HCFC2: variants seen among roughly 807,000 people sequenced by gnomAD.
HCFC2 encodes the protein host cell factor 2.
Under a neutral mutation model 89.2 loss-of-function variants are expected in HCFC2, and 18 were observed. The ratio of observed to expected loss-of-function variants is 0.20; its 90% CI spans 0.14 to 0.30. The LOEUF is 0.30. HCFC2 is among the 10% of genes least tolerant of loss of function. The pLI is 1.00. For missense variants in HCFC2, 578 were observed against 956.1 expected, an observed-to-expected ratio of 0.60 and a Z score of 5.21; for synonymous variants, 308 against 335.7, an observed-to-expected ratio of 0.92 and a Z score of 0.90.
chr12:104,103,120 A>G lies in HCFC2; in HGVS notation c.2226A>G (p.Ile742Met), dbSNP rs1459312303. ...RIYCGLKTSC[I>M]VTAGQLANAH... Reference sequence around the variant, plus strand: ...ATTGTGGTCTTAAGACATCATGTATAGTAACTGCTGGGCAACTTGCAAATG... The same window carrying G: ...ATTGTGGTCTTAAGACATCATGTATGGTAACTGCTGGGCAACTTGCAAATG... The change falls in exon 15 of 15, where the codon ATA becomes ATG. Residue 742 changes from isoleucine (I) to methionine (M), a missense_variant. By Grantham distance (10) the Ile-to-Met change is conservative (BLOSUM62 1). Coordinates refer to ENST00000229330, the MANE Select transcript of HCFC2 (RefSeq NM_013320.3). 1 of 1,614,182 alleles carries G rather than the reference A, an allele frequency of 6.2e-7. No homozygotes were observed. The highest frequency in any genetic ancestry group is 1.7e-5 in the Admixed American group (1 of 60,028).
intron 2 of HCFC2, 78 bp downstream of exon 2, chr12:104,066,393 T>C (rs1317620031): frequency 4.8e-6 from 5 of 1,039,380 alleles, no homozygotes; most frequent in Non-Finnish European, 7.0e-6. Context: ...ATTGCAACAT[T>C]ACTAACATTG....
intron 3 of HCFC2, among the ~76,000 whole-genome samples, chr12:104,074,330 T>C (rs1883428593): frequency 6.6e-6 from 1 of 152,146 alleles, no homozygotes; most frequent in South Asian, 2.1e-4. Flanking sequence ...TTTTTTTTCT[T>C]TTTCTTTTTC....
chr12:104,066,678 G>T (rs760003111), intron 2 of HCFC2, among the ~76,000 whole-genome samples: 1 of 152,174 alleles, frequency 6.6e-6, no homozygotes, highest in Non-Finnish European at 1.5e-5. Context: ...CAACAGGAGC[G>T]CCTGGAGAAC....
At chr12:104,092,838 TAAG>T (rs1289619229) in intron 9 of HCFC2, among the ~76,000 whole-genome samples, 1 of 152,182 alleles carries the variant, frequency 6.6e-6, no homozygotes, top group African/African-American at 2.4e-5. Flanking sequence ...ATAGTGTGTT[TAAG>T]AAGGTTAAGA....
chr12:104,101,996 G>C lies in HCFC2; in HGVS notation c.1907G>C (p.Ser636Thr). Residue 636 changes from serine (S) to threonine (T), a missense_variant, in exon 14 of 15, where the codon AGC (serine) becomes ACC (threonine). By Grantham distance (58) the Ser-to-Thr change is moderately conservative. Transcript: ENST00000229330. ...GGAAATGCAGATGTACCTGACTACA[G>C]CTTGCTTAAGAAACAAGATCTTGTT... ...KVGNADVPDYSLLKKQDLVPG... is the reference protein window; with the variant it reads ...KVGNADVPDYTLLKKQDLVPG... 6.2e-7 allele frequency: 1 copy of C among 1,610,716 alleles called. No individual in the cohort carries two copies. The highest frequency in any genetic ancestry group is 1.1e-5 in the South Asian group (1 of 90,286).
chr12:104,095,266 C>A lies in HCFC2; in HGVS notation c.1463-94C>A. On this transcript the variant is annotated intron_variant, in intron 10 of 14. Coordinates refer to ENST00000229330, the MANE Select transcript of HCFC2 (RefSeq NM_013320.3). This position sits in a 1 kb window ranked among gnomAD's most constrained non-coding sequence, Gnocchi z 4.2. ...GTGGTGCTCATGTATGATTTTAAAA[C>A]TGAAAGTACCAAGAATCATATGACA... The A allele has an allele frequency of 1.1e-6, 1 of 930,452 alleles. No individual in the cohort carries two copies. Among genetic ancestry groups the A allele is most frequent in the Non-Finnish European group, 1.7e-6 (1 of 605,522 alleles). 57.6% of individuals were successfully genotyped at this position (930,452 alleles called of 1,614,324 possible).
At chr12:104,081,261 G>T (rs978588912) in intron 5 of HCFC2, among the ~76,000 whole-genome samples, 1 of 152,158 alleles carries the variant, frequency 6.6e-6, no homozygotes, top group Non-Finnish European at 1.5e-5. Context: ...CTCAGCTTTG[G>T]CACTTGTCCT....
At chr12:104,070,802 T>C (rs891574905) in intron 3 of HCFC2, among the ~76,000 whole-genome samples, 1 of 102,684 alleles carries the variant, frequency 9.7e-6, no homozygotes, top group Non-Finnish European at 2.2e-5. Flanking sequence ...TACTTTTTAC[T>C]TTTTTTTTTT....
intron 4 of HCFC2, 92 bp from the exon 5 acceptor site, chr12:104,080,654 G>T (rs1566229301): frequency 2.9e-6 from 2 of 691,166 alleles, no homozygotes; most frequent in Non-Finnish European, 4.8e-6. Flanking sequence ...TTTCATTTTG[G>T]TAAGTCCTTG....
At chr12:104,089,385 G>A (rs181572792) in intron 9 of HCFC2, among the ~76,000 whole-genome samples, 1 of 152,018 alleles carries the variant, frequency 6.6e-6, no homozygotes, top group East Asian at 1.9e-4. Flanking sequence ...GCATGGTGGC[G>A]GGTGCCTGTA....
chr12:104,068,251 G>A lies in HCFC2; in HGVS notation c.473+144G>A, dbSNP rs2136591893. On this transcript the variant is annotated intron_variant, in intron 3 of 14. Coordinates refer to ENST00000229330, the MANE Select transcript of HCFC2 (RefSeq NM_013320.3). This position sits in a 1 kb window ranked among gnomAD's most constrained non-coding sequence, Gnocchi z 4.1. ...AGTGGACAGATTTGTGTGTGTTTGT[G>A]TTTTCCTTAGTACCTGGAGCATACT... 1.6e-6 allele frequency: 1 copy of A among 611,196 alleles called. No homozygotes were observed. Among genetic ancestry groups the A allele is most frequent in the Non-Finnish European group, 2.6e-6 (1 of 391,696 alleles). 37.9% of individuals were successfully genotyped at this position (611,196 alleles called of 1,614,324 possible).
intron 3 of HCFC2, among the ~76,000 whole-genome samples, chr12:104,078,293 G>A (rs974147121): frequency 1.3e-5 from 2 of 152,166 alleles, no homozygotes; most frequent in Non-Finnish European, 2.9e-5. Context: ...GAGTCACCGC[G>A]CCAGGCCTAT....
chr12:104,066,246 T>A lies in HCFC2; in HGVS notation c.243T>A (p.Gly81=). 6.2e-7 allele frequency: 1 copy of A among 1,612,666 alleles called. No individual in the cohort carries two copies. Among genetic ancestry groups the A allele is most frequent in the Non-Finnish European group, 8.5e-7 (1 of 1,179,110 alleles). ...GCAAHGFVCD[G]TRILVFGGMV... Reference sequence around the variant, plus strand: ...CTGCCCATGGATTTGTCTGTGATGGTACCAGAATATTAGTATTTGGGGGAA... The same window carrying A: ...CTGCCCATGGATTTGTCTGTGATGGAACCAGAATATTAGTATTTGGGGGAA... The change falls in exon 2 of 15, where the codon GGT becomes GGA. Residue 81 remains glycine (G), a synonymous_variant. Transcript: ENST00000229330.
At chr12:104,070,149 A>T (rs559265570) in intron 3 of HCFC2, among the ~76,000 whole-genome samples, 103 of 152,050 alleles carry the variant, frequency 6.8e-4, no homozygotes, top group African/African-American at 2.3e-3. Context: ...CAGCCACCCG[A>T]GTAGCTGGGA....
chr12:104,103,332 A>G lies in HCFC2; in HGVS notation c.*59A>G. 1 of 1,359,538 alleles carries G rather than the reference A, an allele frequency of 7.4e-7. No homozygotes were observed. The highest frequency in any genetic ancestry group is 1.4e-5 in the South Asian group (1 of 73,722). 84.2% of individuals were successfully genotyped at this position (1,359,538 alleles called of 1,614,324 possible). A position where few individuals can be genotyped will look rare whatever the true frequency, so the allele number is the denominator to read the frequency against. On this transcript the variant is annotated 3_prime_UTR_variant, in exon 15 of 15. Transcript: ENST00000229330. ...ATTATTTATTAGTAACTGGTTATGA[A>G]GATTTGTCATTTAAAAGAGTATTCT... is the stretch of plus-strand genomic sequence containing the variant.
chr12:104,085,139 G>A (rs1405752915), intron 7 of HCFC2, among the ~76,000 whole-genome samples: 1 of 152,132 alleles, frequency 6.6e-6, no homozygotes, highest in Non-Finnish European at 1.5e-5. Context: ...AACTTGGAAG[G>A]ACACACACCA....
At chr12:104,096,884 G>A (rs2136627086) in intron 12 of HCFC2, among the ~76,000 whole-genome samples, 1 of 152,178 alleles carries the variant, frequency 6.6e-6, no homozygotes, top group African/African-American at 2.4e-5. Context: ...GGTGTGTTAT[G>A]GAACATAAAA....
At position 104,103,030 on chromosome 12, in the gene HCFC2, C is replaced by A; in HGVS notation, c.2136C>A (p.Ala712=). 2.5e-6 allele frequency: 4 copies of A among 1,613,978 alleles called. No homozygotes were observed. Among genetic ancestry groups the A allele is most frequent in the Non-Finnish European group, 3.4e-6 (4 of 1,179,924 alleles). ...SPSGNILEYS[A]YLAIRTAQIQ... ...CTGGAAATATTTTGGAATATTCAGC[C>A]TACTTGGCTATCCGCACAGCACAGA... The change falls in exon 15 of 15, where the codon GCC becomes GCA. Residue 712 remains alanine (A), a synonymous_variant. Transcript: ENST00000229330.
chr12:104,067,228 A>T (rs1054965257), intron 2 of HCFC2, among the ~76,000 whole-genome samples: 3 of 152,220 alleles, frequency 2.0e-5, no homozygotes, highest in Non-Finnish European at 2.9e-5. Flanking sequence ...ATACTTTGAA[A>T]ACCACTGCTT....
Sources: allele counts gnomAD v4.1 joint callset (sites outside exome capture counted in the v4.1 genomes callset), GRCh38; gene constraint gnomAD v4.1.1; non-coding constraint Gnocchi (gnomAD v3.1); transcripts MANE v1.5; gene names NCBI Gene and HGNC (gene_info 2026-07-23, HGNC 2026-07-21).